The following LPIN1 variants were observed in gnomAD, a reference collection of about 807,000 sequenced individuals.
The protein encoded by LPIN1 is phosphatidate phosphatase LPIN1.
LPIN1 carries 71 observed loss-of-function variants against 107.5 expected under a neutral mutation model. The observed-to-expected ratio is 0.66, with a 90% confidence interval of 0.55 to 0.80. The LOEUF is 0.80. Ranked by LOEUF, LPIN1 falls within the 30% of genes least tolerant of loss-of-function variation. The pLI, the probability that LPIN1 is intolerant of heterozygous loss-of-function variation, is 0.00. For missense variants in LPIN1, 1,043 were observed against 1,160.6 expected, an observed-to-expected ratio of 0.90 and a Z score of 1.47; for synonymous variants, 445 against 452.6, an observed-to-expected ratio of 0.98 and a Z score of 0.21.
chr2:11,685,110 G>A (rs889509163), intron 1 of LPIN1, among the ~76,000 whole-genome samples: 1 of 152,192 alleles, frequency 6.6e-6, no homozygotes, highest in African/African-American at 2.4e-5. Flanking sequence ...TCAATGGGGA[G>A]GTTGGGGAGG....
At chr2:11,767,574 A>T (rs1225869219) in intron 2 of LPIN1, 189 bp from the exon 3 acceptor site, 1 of 630,176 alleles carries the variant, frequency 1.6e-6, no homozygotes, top group Non-Finnish European at 2.9e-6. Context: ...TGCCCTCCCG[A>T]ACCCAGAACT....
chr2:11,736,081 C>T (rs1210894144), intron 1 of LPIN1, among the ~76,000 whole-genome samples: 3 of 152,224 alleles, frequency 2.0e-5, no homozygotes, highest in Non-Finnish European at 4.4e-5. Flanking sequence ...GTTCCAGTTT[C>T]TATGGCTGGT....
At chr2:11,763,987 GTATATA>G (rs1162699730) in intron 1 of LPIN1, among the ~76,000 whole-genome samples, 41 of 132,920 alleles carry the variant, frequency 3.1e-4, no homozygotes, top group Non-Finnish European at 4.9e-4. Flanking sequence ...GTGTGTGTGT[GTATATA>G]TATATATATA....
At position 11,697,948 on chromosome 2, in the gene LPIN1, C is replaced by G. The variant is rs768306096; in HGVS notation, c.82-15808C>G. 6.6e-6 allele frequency among the ~76,000 whole-genome samples: 1 copy of G among 152,196 alleles called. No individual in the cohort carries two copies. Among genetic ancestry groups the G allele is most frequent in the Non-Finnish European group, 1.5e-5 (1 of 68,026 alleles). On this transcript the variant is annotated intron_variant, in intron 1 of 21. Coordinates refer to the LPIN1 transcript ENST00000449576. This position sits in a 1 kb window ranked among gnomAD's most constrained non-coding sequence, Gnocchi z 4.6. Reference sequence around the variant, plus strand: ...CGCACCCCCGGCTGTGGGTGGCTTCCTGACCCAGAAGTGCCCAGTTTTGCC... The same window carrying G: ...CGCACCCCCGGCTGTGGGTGGCTTCGTGACCCAGAAGTGCCCAGTTTTGCC...
chr2:11,823,315 G>A (rs1681880533), intron 20 of LPIN1: 1 of 152,234 alleles, frequency 6.6e-6, no homozygotes, highest in South Asian at 2.1e-4. Context: ...TTGTAGTCAA[G>A]CCTGCAGGGA....
chr2:11,766,894 C>T (rs570891106), intron 2 of LPIN1, among the ~76,000 whole-genome samples: 1 of 152,290 alleles, frequency 6.6e-6, no homozygotes, highest in South Asian at 2.1e-4. Flanking sequence ...ATGGTGGTTA[C>T]TGAGGTGGGG....
intron 6 of LPIN1, among the ~76,000 whole-genome samples, chr2:11,778,277 C>G (rs950641770): frequency 1.3e-5 from 2 of 152,202 alleles, no homozygotes; most frequent in Admixed American, 6.5e-5. Flanking sequence ...CGAAAGAGAG[C>G]GTGCAGGCTG....
chr2:11,793,088 C>T (rs1676070168), intron 13 of LPIN1, among the ~76,000 whole-genome samples: 1 of 152,226 alleles, frequency 6.6e-6, no homozygotes, highest in African/African-American at 2.4e-5. Flanking sequence ...CAGACATCGT[C>T]CTGTGGATGC....
intron 1 of LPIN1, chr2:11,741,320 A>G (rs1666341582): frequency 6.7e-7 from 1 of 1,483,196 alleles, no homozygotes; most frequent in Non-Finnish European, 9.1e-7. Flanking sequence ...GAAAAAGAAC[A>G]TTTTGTGAAT....
chr2:11,773,806 A>T (rs568461370), intron 5 of LPIN1, 61 bp downstream of exon 5: 143 of 1,564,342 alleles, frequency 9.1e-5, no homozygotes, highest in Non-Finnish European at 1.2e-4. Context: ...GATAGGAAGC[A>T]ATTCTAAGAA....
At chr2:11,797,851 A>G (rs1296909043) in intron 14 of LPIN1, among the ~76,000 whole-genome samples, 1 of 152,168 alleles carries the variant, frequency 6.6e-6, no homozygotes, top group Non-Finnish European at 1.5e-5. Flanking sequence ...AAATGTGAAA[A>G]GACATGAGAT....
intron 13 of LPIN1, among the ~76,000 whole-genome samples, chr2:11,792,779 G>C (rs1202963581): frequency 6.6e-6 from 1 of 152,154 alleles, no homozygotes; most frequent in Non-Finnish European, 1.5e-5. Context: ...TGGCTTTGGC[G>C]TTCATGTCTA....
At chr2:11,759,284 CA>C (rs1308974717) in intron 1 of LPIN1, among the ~76,000 whole-genome samples, 1 of 151,890 alleles carries the variant, frequency 6.6e-6, no homozygotes, top group Non-Finnish European at 1.5e-5. Flanking sequence ...AGCAGATAAA[CA>C]AGTGAACAAA....
At chr2:11,794,643 G>A (rs375493697) in intron 13 of LPIN1, among the ~76,000 whole-genome samples, 2 of 72,742 alleles carry the variant, frequency 2.7e-5, no homozygotes, top group Middle Eastern at 4.5e-3. Flanking sequence ...AACGAGCACA[G>A]AGAAAGAGAT....
rs2148681665 is a variant in LPIN1 at position 11,795,422 on chromosome 2, G to A, written c.1821G>A (p.Glu607=). 2 of 1,613,906 alleles carry A rather than the reference G, an allele frequency of 1.2e-6. No homozygotes were observed. The highest frequency in any genetic ancestry group is 2.2e-5 in the East Asian group (1 of 44,886). Residue 607 remains glutamate, a synonymous_variant, in exon 14 of 21, where the codon GAG becomes GAA. Transcript: ENST00000674199. Reference sequence around the variant, plus strand: ...TTCTTTTCTAGGAAAGTAAGCCAGAGCAGTGCTTGGCTGGCAAGGCCCATA... The same window carrying A: ...TTCTTTTCTAGGAAAGTAAGCCAGAACAGTGCTTGGCTGGCAAGGCCCATA... ...NTTIKEESKP[E]QCLAGKAHST...
At chr2:11,691,084 G>GT (rs59865645) in intron 1 of LPIN1, among the ~76,000 whole-genome samples, 11,957 of 140,488 alleles carry the variant, frequency 0.085, 592 homozygotes, top group Middle Eastern at 0.15. Flanking sequence ...TCTTGTTGTG[G>GT]TTTTTTTTTT....
rs76415757 is a variant in LPIN1 at position 11,688,375 on chromosome 2, G to C, written c.81+10647G>C. On this transcript the variant is annotated intron_variant, in intron 1 of 21. Coordinates refer to the LPIN1 transcript ENST00000449576. ...GTAACCTCCCAGAGCTACCACTCTG[G>C]AGTTGCAGGCTAGAATTCTTTTCAG... Among the ~76,000 whole-genome samples, 452 of 152,302 alleles carry C rather than the reference G, an allele frequency of 3.0e-3. 8 individuals are homozygous for C. In the East Asian group the frequency reaches 0.047, roughly 16 times the overall value.
intron 18 of LPIN1, 48 bp downstream of exon 18, chr2:11,815,288 C>T (rs753415130): frequency 1.7e-5 from 27 of 1,607,962 alleles, no homozygotes; most frequent in African/African-American, 1.6e-4. Flanking sequence ...TGTTCAGACC[C>T]GCTCTCTTCC....
intron 1 of LPIN1, among the ~76,000 whole-genome samples, chr2:11,691,886 A>G (rs1299986983): frequency 6.6e-6 from 1 of 152,254 alleles, no homozygotes; most frequent in East Asian, 1.9e-4. Context: ...TTATCCAACT[A>G]TCCTTTAGAG....
Sources: gnomAD v4.1 joint callset for allele counts (sites outside exome capture counted in the v4.1 genomes callset) on GRCh38, gnomAD v4.1.1 for gene constraint, Gnocchi (gnomAD v3.1) non-coding constraint, MANE v1.5 for transcripts, NCBI Gene and HGNC (gene_info 2026-07-23, HGNC 2026-07-21) for gene names.